The following WDFY2 variants were observed in gnomAD, a reference collection of about 807,000 sequenced individuals.
WDFY2 encodes WD repeat and FYVE domain containing 2, also known as WD repeat and FYVE domain-containing protein 2.
In WDFY2, 36 loss-of-function variants were observed where a neutral mutation model predicts 56.4. The observed-to-expected ratio is 0.64, with a 90% CI of 0.49 to 0.84. The LOEUF (loss-of-function observed/expected upper bound fraction) is 0.84, where lower values mean the gene tolerates loss of function less well. WDFY2 is among the 40% of genes least tolerant of loss of function. WDFY2 has a pLI of 0.00. For synonymous variants in WDFY2, 176 were observed against 183.7 expected (o/e 0.96, Z 0.34); for missense variants, 444 against 512.2 (o/e 0.87, Z 1.29).
At chr13:51,645,168 A>G (rs986414333) in intron 1 of WDFY2, among the ~76,000 whole-genome samples, 3 of 151,740 alleles carry the variant, frequency 2.0e-5, no homozygotes, top group Non-Finnish European at 2.9e-5. Flanking sequence ...ACAAATGACT[A>G]TGAAAACTAC....
At chr13:51,639,755 A>G (rs895900221) in intron 1 of WDFY2, among the ~76,000 whole-genome samples, 2 of 152,184 alleles carry the variant, frequency 1.3e-5, no homozygotes, top group African/African-American at 4.8e-5. Context: ...GGTGTTTTTC[A>G]GTAGTGAGGA....
intron 4 of WDFY2, among the ~76,000 whole-genome samples, chr13:51,709,504 T>C (rs561776503): frequency 9.9e-4 from 151 of 152,172 alleles, no homozygotes; most frequent in Non-Finnish European, 1.7e-3. Context: ...ATTGATCTTT[T>C]TTGAAAAGAT....
At chr13:51,668,086 T>C (rs1593962445) in intron 2 of WDFY2, among the ~76,000 whole-genome samples, 1 of 151,602 alleles carries the variant, frequency 6.6e-6, no homozygotes, top group South Asian at 2.1e-4. Context: ...AGAGACGGGG[T>C]TTCACTGTGG....
At chr13:51,674,336 C>T (rs1245414033) in intron 2 of WDFY2, among the ~76,000 whole-genome samples, 1 of 152,070 alleles carries the variant, frequency 6.6e-6, no homozygotes, top group Admixed American at 6.6e-5. Context: ...TCAAAAGACC[C>T]CCTATTTAGT....
intron 5 of WDFY2, among the ~76,000 whole-genome samples, chr13:51,724,521 G>T (rs1175329710): frequency 6.6e-6 from 1 of 152,186 alleles, no homozygotes; most frequent in Non-Finnish European, 1.5e-5. Context: ...ACAGGCGTGA[G>T]CCATCGCACC....
chr13:51,634,289 A>G (rs1593909530), intron 1 of WDFY2, among the ~76,000 whole-genome samples: 2 of 151,052 alleles, frequency 1.3e-5, no homozygotes, highest in East Asian at 1.9e-4. Context: ...GAAGTAGTGG[A>G]TGAAAATCTT....
chr13:51,757,954 C>T (rs1391876216), intron 10 of WDFY2, among the ~76,000 whole-genome samples: 1 of 151,984 alleles, frequency 6.6e-6, no homozygotes, highest in Non-Finnish European at 1.5e-5. Flanking sequence ...GAGCAACATT[C>T]TCCAGAAGGA....
chr13:51,755,679 G>A (rs1197852726), intron 9 of WDFY2, among the ~76,000 whole-genome samples: 2 of 152,188 alleles, frequency 1.3e-5, no homozygotes, highest in East Asian at 3.9e-4. Context: ...AGTTAGGGAT[G>A]TGATTTTAGA....
intron 1 of WDFY2, among the ~76,000 whole-genome samples, chr13:51,641,252 G>T (rs1210522044): frequency 6.6e-6 from 1 of 151,728 alleles, no homozygotes; most frequent in Non-Finnish European, 1.5e-5. Context: ...TGTATTTTTA[G>T]TAGAGACGGA....
chr13:51,671,777 T>A (rs35611588), intron 2 of WDFY2, among the ~76,000 whole-genome samples: 1 of 105,642 alleles, frequency 9.5e-6, no homozygotes, highest in Non-Finnish European at 1.9e-5. Flanking sequence ...TTGCATTTGC[T>A]TTTTTTTTTT....
At chr13:51,744,166 G>A (rs1224738040) in intron 7 of WDFY2, among the ~76,000 whole-genome samples, 2 of 152,302 alleles carry the variant, frequency 1.3e-5, no homozygotes, top group East Asian at 3.9e-4. Flanking sequence ...CTTGGAGCTT[G>A]GAAGATTTAT....
At chr13:51,638,979 C>CA (rs1386216025) in intron 1 of WDFY2, among the ~76,000 whole-genome samples, 5 of 152,082 alleles carry the variant, frequency 3.3e-5, no homozygotes, top group Admixed American at 3.3e-4. Context: ...ACTTTCCCCA[C>CA]AAAAACAAAA....
intron 4 of WDFY2, among the ~76,000 whole-genome samples, chr13:51,717,768 C>T (rs567266214): frequency 1.1e-4 from 17 of 152,226 alleles, no homozygotes; most frequent in South Asian, 4.2e-4. Flanking sequence ...GTGACTGGTA[C>T]TCCGAAAGCA....
At chr13:51,597,215 T>C (rs1954168221) in intron 1 of WDFY2, among the ~76,000 whole-genome samples, 1 of 152,254 alleles carries the variant, frequency 6.6e-6, no homozygotes, top group Non-Finnish European at 1.5e-5. Context: ...AAGTTGTTGC[T>C]TTATTGATAA....
rs980490600 is a variant in WDFY2 at position 51,759,907 on chromosome 13, C to T, written c.*138C>T. 4 of 924,498 alleles carry T rather than the reference C, an allele frequency of 4.3e-6. No homozygotes were observed. The highest frequency in any genetic ancestry group is 3.4e-5 in the African/African-American group (2 of 59,532). The allele number at this position is 924,498 out of a possible 1,614,324, so 57.3% of individuals were successfully genotyped here. A position where few individuals can be genotyped will look rare whatever the true frequency, so the allele number is the denominator to read the frequency against. On this transcript the variant is annotated 3_prime_UTR_variant, in exon 12 of 12. Coordinates refer to ENST00000298125, the MANE Select transcript of WDFY2 (RefSeq NM_052950.4). ...ACCCTGAATGAATTTGCAGATTACC[C>T]ATGTGCACAGTGGGGACCTGGCCAG...
In WDFY2 at chr13:51,645,513, T is replaced by C. The variant is rs979153247; in HGVS notation, c.138-15083T>C. Among the ~76,000 whole-genome samples the C allele has an allele frequency of 2.0e-5, 3 of 152,232 alleles. No individual in the cohort carries two copies. In the Middle Eastern group the frequency reaches 0.01, roughly 518 times the overall value. On this transcript the variant is annotated intron_variant, in intron 1 of 11. Coordinates refer to ENST00000298125, the MANE Select transcript of WDFY2 (RefSeq NM_052950.4). ...TAGCTTAGCAACCTGTGGTATACTG[T>C]TTGTTGCCACCCCCAGCCTTCCCTT...
At chr13:51,618,314 C>T (rs759737084) in intron 1 of WDFY2, among the ~76,000 whole-genome samples, 2 of 152,204 alleles carry the variant, frequency 1.3e-5, no homozygotes, top group Non-Finnish European at 2.9e-5. Flanking sequence ...GGCCTCATTT[C>T]TCCTACTAGT....
intron 3 of WDFY2, among the ~76,000 whole-genome samples, chr13:51,691,330 G>A (rs780714620): frequency 2.6e-5 from 4 of 151,456 alleles, no homozygotes; most frequent in Non-Finnish European, 4.4e-5. Context: ...ATGGTTTTAG[G>A]TCTAACGTTT....
rs1953175544 is a variant in WDFY2, at chr13:51,749,363, C to T, written c.726-1947C>T. Reference sequence around the variant, plus strand: ...ACCACTGCTTTGATACAAAGCTACCCTGTTTTGATTTGAAAAACAAAAACC... The same window carrying T: ...ACCACTGCTTTGATACAAAGCTACCTTGTTTTGATTTGAAAAACAAAAACC... On this transcript the variant is annotated intron_variant, in intron 7 of 11. Transcript: ENST00000298125. 1.3e-5 allele frequency among the ~76,000 whole-genome samples: 2 copies of T among 152,124 alleles called. 1 individual carries two copies. The highest frequency in any genetic ancestry group is 4.1e-4 in the South Asian group (2 of 4,832).
Sources: allele counts gnomAD v4.1 joint callset (sites outside exome capture counted in the v4.1 genomes callset), GRCh38; gene constraint gnomAD v4.1.1; transcripts MANE v1.5; gene names NCBI Gene and HGNC (gene_info 2026-07-23, HGNC 2026-07-21).